The following UBR4 variants were observed in gnomAD, a reference collection of about 807,000 sequenced individuals.
The protein encoded by UBR4 is ubiquitin protein ligase E3 component n-recognin 4, also known as E3 ubiquitin-protein ligase UBR4.
Under a neutral mutation model 575.6 loss-of-function variants are expected in UBR4, and 124 were observed. The observed-to-expected ratio is 0.22, with a 90% CI of 0.19 to 0.25. The LOEUF (loss-of-function observed/expected upper bound fraction) is 0.25, where lower values mean the gene tolerates loss of function less well. UBR4 is among the 10% of genes least tolerant of loss of function. UBR4 has a pLI of 1.00. For missense variants in UBR4, 4,818 were observed against 6,478.8 expected (o/e 0.74, Z 8.80); for synonymous variants, 2,455 against 2,473.7 (o/e 0.99, Z 0.22).
At chr1:19,077,746 C>A in intron 104 of UBR4, 1 of 1,452,356 alleles carries the variant, frequency 6.9e-7, no homozygotes. Context: ...AAAAACCAAA[C>A]CAAACCAAAC....
intron 58 of UBR4, among the ~76,000 whole-genome samples, chr1:19,140,494 T>C (rs1343208525): frequency 6.6e-6 from 1 of 152,236 alleles, no homozygotes; most frequent in Non-Finnish European, 1.5e-5. Context: ...CAAAGAACGC[T>C]GGAAGCTGAA....
In UBR4 at chr1:19,120,208, C is replaced by T. The variant is rs373944977; in HGVS notation, c.10282G>A (p.Ala3428Thr). The change falls in exon 69 of 106, where the codon GCC becomes ACC. Residue 3428 changes from alanine (A) to threonine (T), a missense_variant. Coordinates refer to ENST00000375254, the MANE Select transcript of UBR4 (RefSeq NM_020765.3). ...TAGATGTGCAGTGTCAGACAGTGGG[C>T]CTGCCAGCGCACCGAGGAAGAATTG... ...ESNSSSVRWQ[A>T]HCLTLHIYRN... The T allele has an allele frequency of 2.8e-5, 45 of 1,614,018 alleles. No individual in the cohort carries two copies. The highest frequency in any genetic ancestry group is 4.0e-5 in the African/African-American group (3 of 74,920).
At chr1:19,160,319 A>G (rs1557843805) in intron 38 of UBR4, 38 bp from the exon 39 acceptor site, 2 of 1,509,042 alleles carry the variant, frequency 1.3e-6, no homozygotes, top group East Asian at 2.4e-5. Context: ...TGAAAAAAAA[A>G]AAAAAGAAAA....
At chr1:19,144,722 T>C in intron 54 of UBR4, 64 bp downstream of exon 54, 3 of 1,567,162 alleles carry the variant, frequency 1.9e-6, no homozygotes, top group Non-Finnish European at 2.6e-6. Flanking sequence ...CTTAGCAAGC[T>C]AAAAACAATT....
chr1:19,162,001 T>A, intron 35 of UBR4, 104 bp from the exon 36 acceptor site: 1 of 1,268,716 alleles, frequency 7.9e-7, no homozygotes, highest in Non-Finnish European at 1.1e-6. Context: ...AATAGTTGAC[T>A]CGCAAATGAC....
intron 59 of UBR4, 111 bp downstream of exon 59, chr1:19,138,972 G>A: frequency 7.8e-7 from 1 of 1,289,498 alleles, no homozygotes; most frequent in South Asian, 2.4e-5. Context: ...GACTTTCAAT[G>A]AGTCTCTATA....
chr1:19,156,528 T>C (rs965505272), intron 41 of UBR4, 105 bp from the exon 42 acceptor site: 5 of 1,413,842 alleles, frequency 3.5e-6, no homozygotes, highest in Non-Finnish European at 4.8e-6. Flanking sequence ...ATCCCCTGCC[T>C]TCAGACAGTA....
chr1:19,138,168 G>A lies in UBR4; in HGVS notation c.8745C>T (p.Ser2915=). The A allele has an allele frequency of 1.3e-6, 2 of 1,523,724 alleles. No homozygotes were observed. The highest frequency in any genetic ancestry group is 2.6e-5 in the South Asian group (2 of 77,676). The allele number at this position is 1,523,724 out of a possible 1,614,324, so 94.4% of individuals were successfully genotyped here. Residue 2915 remains serine (S), a synonymous_variant, in exon 60 of 106, where the codon AGC becomes AGT. Transcript: ENST00000375254. ...VAGEHSVSGR[S]SAYGDATAEG... is the part of the protein sequence containing the mutation. ...CAGCTGTAGCATCGCCATAAGCACTGCTCCGGCCAGATACTAGAGGGAAAT... is the reference window on the plus strand; with the variant it reads ...CAGCTGTAGCATCGCCATAAGCACTACTCCGGCCAGATACTAGAGGGAAAT...
Position 19,179,666 on chromosome 1 carries a change from A to T in UBR4, c.2185-446T>A, listed in dbSNP as rs184890416. Among the ~76,000 whole-genome samples, 189 of 152,358 alleles carry T rather than the reference A, an allele frequency of 1.2e-3. 1 individual carries two copies. The highest frequency in any genetic ancestry group is 4.5e-3 in the African/African-American group (187 of 41,582). On this transcript the variant is annotated intron_variant, in intron 17 of 105. Transcript: ENST00000375254. ...ATCCAACAATTTAGAGATCCGCAGT[A>T]TTCGCAGAGAAATTCTGCCTATGAG...
At chr1:19,135,218 T>A (rs929391740) in intron 60 of UBR4, among the ~76,000 whole-genome samples, 2 of 152,214 alleles carry the variant, frequency 1.3e-5, no homozygotes, top group African/African-American at 4.8e-5. Flanking sequence ...ATAAATCAGA[T>A]GATCAGGTAT....
chr1:19,151,027 A>T, intron 48 of UBR4: 1 of 568,394 alleles, frequency 1.8e-6, no homozygotes, highest in Non-Finnish European at 3.1e-6. Context: ...AAGAGTCCCT[A>T]ACCATCACTG....
In UBR4 at chr1:19,114,070, C is replaced by A. The variant is rs775266190; in HGVS notation, c.11203G>T (p.Ala3735Ser). 2 of 1,610,356 alleles carry A rather than the reference C, an allele frequency of 1.2e-6. No individual in the cohort carries two copies. The highest frequency in any genetic ancestry group is 1.1e-5 in the South Asian group (1 of 91,026). ...PIENEEDRKKAVSNINTLLDK... is the reference protein window; with the variant it reads ...PIENEEDRKKSVSNINTLLDK... Reference sequence around the variant, plus strand: ...AAAAGTGTATTGATGTTGGATACAGCCTAGACAGGAAAAGACAGGGACTGA... The same window carrying A: ...AAAAGTGTATTGATGTTGGATACAGACTAGACAGGAAAAGACAGGGACTGA... The change falls in exon 76 of 106, where the codon GCT (alanine) becomes TCT (serine). Residue 3735 changes from alanine (A) to serine (S), a missense_variant and splice_region_variant. Physicochemically the swap from Ala to Ser is moderately conservative, Grantham distance 99 (BLOSUM62 1). Around this residue, in one of 29 missense-constraint regions of UBR4, gnomAD observed 333 missense variants for 459.2 expected, o/e 0.73. Transcript: ENST00000375254.
At chr1:19,198,417 T>C in intron 5 of UBR4, 124 bp downstream of exon 5, 1 of 1,331,090 alleles carries the variant, frequency 7.5e-7, no homozygotes, top group Non-Finnish European at 1.0e-6. Flanking sequence ...CCTCAATTTC[T>C]TTTGTCCCAC....
Position 19,183,851 on chromosome 1 carries a change from T to G in UBR4, c.2144A>C (p.His715Pro). ...CTGAAGGTCAGAGGTTACCAGTGAGTGGTTGAAGTGATAGAGAGCTGCAGC... is the reference window on the plus strand; with the variant it reads ...CTGAAGGTCAGAGGTTACCAGTGAGGGGTTGAAGTGATAGAGAGCTGCAGC... ...EFAAALYHFN[H>P]SLVTSDLQSP... Residue 715 changes from histidine to proline, a missense_variant, in exon 17 of 106, where the codon CAC (histidine) becomes CCC (proline). Around this residue, in one of 29 missense-constraint regions of UBR4, gnomAD observed 1,172 missense variants for 1,259.7 expected, o/e 0.93. Coordinates refer to ENST00000375254, the MANE Select transcript of UBR4 (RefSeq NM_020765.3). The G allele has an allele frequency of 6.2e-7, 1 of 1,614,070 alleles. No homozygotes were observed. The highest frequency in any genetic ancestry group is 8.5e-7 in the Non-Finnish European group (1 of 1,180,012).
chr1:19,182,705 C>T (rs1378389566), intron 17 of UBR4, among the ~76,000 whole-genome samples: 5 of 151,974 alleles, frequency 3.3e-5, no homozygotes, highest in Admixed American at 6.6e-5. Context: ...GAGTCACAAA[C>T]ATAATGGAAT....
At chr1:19,127,510 C>A in intron 63 of UBR4, 113 bp downstream of exon 63, 1 of 803,580 alleles carries the variant, frequency 1.2e-6, no homozygotes, top group Non-Finnish European at 2.1e-6. Flanking sequence ...TTACTCCCCT[C>A]AGGGAACAAT....
intron 87 of UBR4, among the ~76,000 whole-genome samples, chr1:19,103,024 C>T (rs2078805927): frequency 6.6e-6 from 1 of 152,214 alleles, no homozygotes; most frequent in South Asian, 2.1e-4. Flanking sequence ...CAGTACCCTG[C>T]ACTGCCTCAC....
intron 60 of UBR4, among the ~76,000 whole-genome samples, chr1:19,131,566 A>G (rs2082459959): frequency 6.6e-6 from 1 of 152,186 alleles, no homozygotes; most frequent in African/African-American, 2.4e-5. Context: ...ATGAGTCTCA[A>G]GAGATTTCAA....
chr1:19,177,322 C>T (rs1037570384), intron 19 of UBR4, 139 bp downstream of exon 19: 10 of 996,588 alleles, frequency 1.0e-5, no homozygotes, highest in Middle Eastern at 4.9e-4. Flanking sequence ...TCTCAGTGGT[C>T]CTCCTAATCC....
Sources: allele counts gnomAD v4.1 joint callset (sites outside exome capture counted in the v4.1 genomes callset), GRCh38; gene constraint gnomAD v4.1.1; regional missense constraint gnomAD v4.1.1; transcripts MANE v1.5; gene names NCBI Gene and HGNC (gene_info 2026-07-23, HGNC 2026-07-21).